The following SNX29 variants were observed in gnomAD, a reference collection of about 807,000 sequenced individuals.
The protein encoded by SNX29 is sorting nexin 29.
SNX29 carries 78 observed loss-of-function variants against 102.1 expected under a neutral mutation model. The ratio of observed to expected loss-of-function variants is 0.76; its 90% CI spans 0.64 to 0.92. The LOEUF (loss-of-function observed/expected upper bound fraction) is 0.92. SNX29 is among the 40% of genes least tolerant of loss of function. The pLI, the probability that SNX29 is intolerant of heterozygous loss-of-function variation, is 0.00. For missense variants in SNX29, 1,280 were observed against 1,061.7 expected (o/e 1.21, Z -2.86); for synonymous variants, 580 against 414.5 (o/e 1.40, Z -4.85).
At chr16:12,413,123 T>C (rs1038171542) in intron 18 of SNX29, among the ~76,000 whole-genome samples, 2 of 152,186 alleles carry the variant, frequency 1.3e-5, no homozygotes, top group African/African-American at 4.8e-5. Context: ...TCACTGAGTA[T>C]TTGGTTTTGG....
At chr16:12,543,393 G>C (rs1272735566) in intron 20 of SNX29, among the ~76,000 whole-genome samples, 1 of 152,220 alleles carries the variant, frequency 6.6e-6, no homozygotes. Context: ...TTATCCAGAA[G>C]GAGGGGGCCC....
At chr16:12,409,497 T>G (rs1182287263) in intron 18 of SNX29, among the ~76,000 whole-genome samples, 1 of 149,492 alleles carries the variant, frequency 6.7e-6, no homozygotes, top group Non-Finnish European at 1.5e-5. Context: ...GGCGCAATCT[T>G]GGTTCACTGC....
intron 13 of SNX29, among the ~76,000 whole-genome samples, chr16:12,144,862 C>G (rs1331454736): frequency 1.3e-5 from 2 of 152,222 alleles, no homozygotes; most frequent in African/African-American, 4.8e-5. Flanking sequence ...GCTGGGACTA[C>G]AGGCGCCTGC....
chr16:12,131,350 C>A (rs1242847987), intron 13 of SNX29, among the ~76,000 whole-genome samples: 1 of 152,200 alleles, frequency 6.6e-6, no homozygotes, highest in African/African-American at 2.4e-5. Flanking sequence ...CCCCAGATCC[C>A]AACTTACATG....
At chr16:12,498,463 C>G (rs999762397) in intron 19 of SNX29, among the ~76,000 whole-genome samples, 9 of 152,130 alleles carry the variant, frequency 5.9e-5, no homozygotes, top group African/African-American at 2.2e-4. Context: ...AGACGCTGGG[C>G]TAGTAAATAA....
At chr16:12,241,704 C>T (rs990044893) in intron 14 of SNX29, among the ~76,000 whole-genome samples, 12 of 152,114 alleles carry the variant, frequency 7.9e-5, no homozygotes, top group Admixed American at 2.6e-4. Context: ...TCAAGTGATC[C>T]GCCTGCCTTG....
rs151338480 is a variant in SNX29, at chr16:12,267,931, T to C, written c.1679-10002T>C. Among the ~76,000 whole-genome samples the C allele has an allele frequency of 2.4e-4, 36 of 152,308 alleles. No homozygotes were observed. In the East Asian group the frequency reaches 6.6e-3, roughly 28 times the overall value. On this transcript the variant is annotated intron_variant, in intron 14 of 20. Transcript: ENST00000566228. The stretch of plus-strand genomic sequence containing the variant: ...CCTCTCTGGTCTCATTTCCTACCAA[T>C]GTCTCCCTCCTCCATTATCCTTTAG...
intron 16 of SNX29, among the ~76,000 whole-genome samples, chr16:12,372,040 A>T (rs1472775089): frequency 6.6e-6 from 1 of 152,242 alleles, no homozygotes; most frequent in Non-Finnish European, 1.5e-5. Context: ...TATCTAGAGT[A>T]CAAAAGACAA....
chr16:12,124,095 C>T (rs960131330), intron 11 of SNX29, among the ~76,000 whole-genome samples: 11 of 152,168 alleles, frequency 7.2e-5, no homozygotes, highest in African/African-American at 2.2e-4. Context: ...CGGGGGCTCA[C>T]GCCTGTAATC....
rs919298305 is a variant in SNX29, at chr16:12,385,958, C to T, written c.1900-12488C>T. Among the ~76,000 whole-genome samples the T allele has an allele frequency of 5.1e-4, 78 of 152,340 alleles. 1 individual carries two copies. Among genetic ancestry groups the T allele is most frequent in the Admixed American group, 2.5e-3 (39 of 15,302 alleles). Reference sequence around the variant, plus strand: ...AGGACTGAGGGACACATCACATCTCCTGGGAGCAGAAGACGATGTCTGCGA... The same window carrying T: ...AGGACTGAGGGACACATCACATCTCTTGGGAGCAGAAGACGATGTCTGCGA... On this transcript the variant is annotated intron_variant, in intron 16 of 20. Transcript: ENST00000566228.
At chr16:12,463,448 G>A (rs1207078386) in intron 18 of SNX29, among the ~76,000 whole-genome samples, 3 of 152,180 alleles carry the variant, frequency 2.0e-5, no homozygotes, top group East Asian at 3.8e-4. Flanking sequence ...CATCTTACAT[G>A]GATGGCGGCA....
intron 15 of SNX29, among the ~76,000 whole-genome samples, chr16:12,315,222 T>G (rs184625906): frequency 2.0e-5 from 3 of 152,154 alleles, no homozygotes; most frequent in African/African-American, 7.2e-5. Flanking sequence ...GGCCTCCCAG[T>G]TGAGAGTGAT....
chr16:12,393,809 G>A (rs2083623301), intron 16 of SNX29, among the ~76,000 whole-genome samples: 1 of 152,254 alleles, frequency 6.6e-6, no homozygotes, highest in Non-Finnish European at 1.5e-5. Flanking sequence ...TTGGCACATA[G>A]TAATTGTTCA....
intron 20 of SNX29, among the ~76,000 whole-genome samples, chr16:12,557,015 A>ACCCC (rs11387141): frequency 2.3e-3 from 73 of 31,772 alleles, no homozygotes; most frequent in East Asian, 0.01. Flanking sequence ...TGGCTAATTT[A>ACCCC]CCCCCCCCCC....
In SNX29 at chr16:12,571,637, A is replaced by C; in HGVS notation, c.*3008A>C. On this transcript the variant is annotated 3_prime_UTR_variant, in exon 21 of 21. Transcript: ENST00000566228. ...TCTTTCACATCTTTTTTTCTCCCCC[A>C]GATGAAAGACGACTCAGGAACGGTA... 1 of 1,058,920 alleles carries C rather than the reference A, an allele frequency of 9.4e-7. No individual in the cohort carries two copies. Among genetic ancestry groups the C allele is most frequent in the East Asian group, 5.2e-5 (1 of 19,312 alleles). The allele number at this position is 1,058,920 out of a possible 1,614,324, so 65.6% of individuals were successfully genotyped here. A position where few individuals can be genotyped will look rare whatever the true frequency, so the allele number is the denominator to read the frequency against.
At chr16:12,561,055 G>T (rs1598060024) in intron 20 of SNX29, 1 of 223,974 alleles carries the variant, frequency 4.5e-6, no homozygotes, top group Non-Finnish European at 8.9e-6. Context: ...CAAGAGGTAG[G>T]AGGTAAAGGC....
rs146229026 is a variant in SNX29, at chr16:12,569,541, G to A, written c.*912G>A. ...ATGACTATGAAGTTGGACCCAGTGT[G>A]GACACTTAACAGATCATGTGTCTCT... is the stretch of plus-strand genomic sequence containing the variant. On this transcript the variant is annotated 3_prime_UTR_variant, in exon 21 of 21. Transcript: ENST00000566228. The A allele has an allele frequency of 9.4e-4, 218 of 231,526 alleles. No individual in the cohort carries two copies. The highest frequency in any genetic ancestry group is 4.3e-3 in the African/African-American group (193 of 45,356). The allele number at this position is 231,526 out of a possible 1,614,324, so 14.3% of individuals were successfully genotyped here.
chr16:12,547,594 C>A (rs923062715), intron 20 of SNX29, among the ~76,000 whole-genome samples: 1 of 152,086 alleles, frequency 6.6e-6, no homozygotes. Flanking sequence ...TAAATACACC[C>A]CCACGAAGTC....
chr16:12,299,567 A>C (rs1171895865), intron 15 of SNX29, among the ~76,000 whole-genome samples: 2 of 152,080 alleles, frequency 1.3e-5, no homozygotes, highest in African/African-American at 2.4e-5. Context: ...TTGACTGGGA[A>C]AAGGTATTTA....
Sources: allele counts gnomAD v4.1 joint callset (sites outside exome capture counted in the v4.1 genomes callset), GRCh38; gene constraint gnomAD v4.1.1; transcripts MANE v1.5; gene names NCBI Gene and HGNC (gene_info 2026-07-23, HGNC 2026-07-21).